Variants in SMS observed in about 807,000 individuals in gnomAD.
SMS encodes spermine synthase.
Under a neutral mutation model 33.0 loss-of-function variants are expected in SMS, and 3 were observed. That is an observed-to-expected ratio of 0.09 (90% CI 0.04 to 0.23). The LOEUF is 0.23. Ranked by LOEUF, SMS falls within the 10% of genes least tolerant of loss-of-function variation. The pLI, the probability that SMS is intolerant of heterozygous loss-of-function variation, is 1.00. For missense variants in SMS, 117 were observed against 288.6 expected (o/e 0.41, Z 4.31); for synonymous variants, 103 against 112.2 (o/e 0.92, Z 0.52).
chrX:21,957,145 A>AC (rs1364734713), intron 1 of SMS, among the ~76,000 whole-genome samples: 2 of 91,315 alleles, frequency 2.2e-5, no homozygotes, highest in Admixed American at 1.3e-4. Context: ...AGGAGGAGAA[A>AC]CCAACTACTT....
intron 9 of SMS, among the ~76,000 whole-genome samples, chrX:21,992,076 C>T (rs957498167): frequency 6.3e-5 from 7 of 111,958 alleles, no homozygotes; most frequent in East Asian, 2.8e-4. Context: ...ATATCCCTAT[C>T]GTATATATCC....
At chrX:21,989,470 C>T (rs1373036276) in intron 9 of SMS, among the ~76,000 whole-genome samples, 3 of 111,954 alleles carry the variant, frequency 2.7e-5, no homozygotes, top group Non-Finnish European at 3.8e-5. Flanking sequence ...AAACTCCCTC[C>T]ACTTAAGAGA....
intron 9 of SMS, among the ~76,000 whole-genome samples, chrX:21,987,964 C>T (rs746503744): frequency 8.9e-6 from 1 of 112,593 alleles, no homozygotes; most frequent in Admixed American, 9.4e-5. Context: ...ATATTAATGA[C>T]CCAGGCTTTG....
intron 1 of SMS, among the ~76,000 whole-genome samples, chrX:21,944,668 C>T (rs767216834): frequency 1.0e-4 from 11 of 107,754 alleles, no homozygotes; most frequent in East Asian, 2.9e-4. Flanking sequence ...TGGACAGTGG[C>T]GTGAAACTCT....
intron 2 of SMS, among the ~76,000 whole-genome samples, chrX:21,970,003 T>A (rs1237116531): frequency 8.8e-6 from 1 of 113,218 alleles, no homozygotes; most frequent in Admixed American, 9.2e-5. Context: ...AATAGAGACG[T>A]GGTTTCACCA....
intron 4 of SMS, among the ~76,000 whole-genome samples, chrX:21,976,338 C>G (rs772487532): frequency 1.8e-5 from 2 of 110,603 alleles, no homozygotes; most frequent in Admixed American, 9.7e-5. Flanking sequence ...TGGAGAGAGC[C>G]CATGAATACC....
intron 2 of SMS, among the ~76,000 whole-genome samples, chrX:21,968,740 A>G (rs1186162098): frequency 8.9e-6 from 1 of 112,163 alleles, no homozygotes; most frequent in Non-Finnish European, 1.9e-5. Context: ...TTATATCTGG[A>G]CTGGCTTAGT....
At chrX:21,963,984 C>T (rs1388466145) in intron 1 of SMS, among the ~76,000 whole-genome samples, 1 of 111,407 alleles carries the variant, frequency 9.0e-6, no homozygotes, top group Non-Finnish European at 1.9e-5. Context: ...GCCACCTCCA[C>T]AGTGGGCTGG....
At chrX:21,942,506 T>C (rs1179743096) in intron 1 of SMS, among the ~76,000 whole-genome samples, 2 of 112,070 alleles carry the variant, frequency 1.8e-5, no homozygotes, top group East Asian at 5.6e-4. Context: ...TGTCAGTGTA[T>C]TTAGGTGGTC....
chrX:21,974,989 G>T (rs1296403464), intron 4 of SMS, among the ~76,000 whole-genome samples: 6 of 109,171 alleles, frequency 5.5e-5, no homozygotes, highest in African/African-American at 2.0e-4. Flanking sequence ...CTGAATTTTC[G>T]ACTAAGAAGC....
At chrX:21,985,403 G>C (rs955151136) in intron 9 of SMS, among the ~76,000 whole-genome samples, 180 bp downstream of exon 9, 1 of 111,790 alleles carries the variant, frequency 8.9e-6, no homozygotes, top group African/African-American at 3.3e-5. Flanking sequence ...TGAGTTATCA[G>C]CCCTGGTCTT....
chrX:21,963,316 T>A (rs543957078), intron 1 of SMS, among the ~76,000 whole-genome samples: 2 of 111,139 alleles, frequency 1.8e-5, no homozygotes, highest in South Asian at 7.6e-4. Flanking sequence ...GGTGTCCCCA[T>A]AAGGCCCTGC....
chrX:21,959,665 A>G (rs1189489215), intron 1 of SMS, among the ~76,000 whole-genome samples: 1 of 112,920 alleles, frequency 8.9e-6, no homozygotes, highest in East Asian at 2.8e-4. Flanking sequence ...CCTGATTTCA[A>G]ATTGGATTGG....
At position 21,967,275 on chromosome X, in the gene SMS, G is replaced by T. The variant is rs1226310307; in HGVS notation, c.129G>T (p.Gln43His). The T allele has an allele frequency of 3.3e-6, 4 of 1,207,019 alleles. No individual in the cohort carries two copies. The African/African-American group carries it at 7.1e-5, about 21-fold the overall frequency. Reference protein sequence around the residue: ...QGMAESVHTWQDHGYLATYTN... With the variant: ...QGMAESVHTWHDHGYLATYTN... ...TGGCGGAGTCGGTGCACACCTGGCA[G>T]GACCATGGCTATTTAGCAACCTACA... Residue 43 changes from glutamine to histidine, a missense_variant, in exon 2 of 11, where the codon CAG becomes CAT. This residue lies in a region of SMS where 23 missense variants were observed against 60.5 expected (regional missense o/e 0.38). Coordinates refer to ENST00000404933, the MANE Select transcript of SMS (RefSeq NM_004595.5).
chrX:21,974,456 C>G (rs1406275009), intron 4 of SMS, among the ~76,000 whole-genome samples: 4 of 111,868 alleles, frequency 3.6e-5, no homozygotes, highest in Non-Finnish European at 7.5e-5. Context: ...TATACCCATA[C>G]CACTTTTTGG....
chrX:21,993,324 C>T (rs1471035474), intron 10 of SMS, among the ~76,000 whole-genome samples: 1 of 112,841 alleles, frequency 8.9e-6, no homozygotes, highest in Non-Finnish European at 1.9e-5. Flanking sequence ...GCACGGTTAA[C>T]ATTGGTGTTC....
chrX:21,962,938 A>T (rs755697480), intron 1 of SMS, among the ~76,000 whole-genome samples: 84 of 111,687 alleles, frequency 7.5e-4, no homozygotes, highest in African/African-American at 2.7e-3. Flanking sequence ...TACAGGCATG[A>T]AACACCATGC....
intron 9 of SMS, among the ~76,000 whole-genome samples, chrX:21,990,990 G>A (rs1042388937): frequency 1.1e-4 from 12 of 112,148 alleles, no homozygotes; most frequent in Non-Finnish European, 2.1e-4. Flanking sequence ...ATGACGTCAC[G>A]TTGAGTGAAT....
At chrX:21,965,709 C>T (rs1367681076) in intron 1 of SMS, among the ~76,000 whole-genome samples, 1 of 108,468 alleles carries the variant, frequency 9.2e-6, no homozygotes. Flanking sequence ...GATCACACCA[C>T]TGCACTCCAG....
Sources: gnomAD v4.1 joint callset for allele counts (sites outside exome capture counted in the v4.1 genomes callset) on GRCh38, gnomAD v4.1.1 for gene constraint, gnomAD v4.1.1 regional missense constraint, MANE v1.5 for transcripts, NCBI Gene and HGNC (gene_info 2026-07-23, HGNC 2026-07-21) for gene names.